The following SLC12A9 variants were observed in gnomAD, a reference collection of about 807,000 sequenced individuals.
SLC12A9 encodes solute carrier family 12 member 9, also known as CCC-interacting protein 1.
In SLC12A9, 55 loss-of-function variants were observed where a neutral mutation model predicts 66.0. The observed-to-expected ratio is 0.83, with a 90% CI of 0.67 to 1.04. The LOEUF (loss-of-function observed/expected upper bound fraction) is 1.04. Among genes scored for constraint, SLC12A9 ranks in the 50% least tolerant of loss-of-function variants. The pLI is 0.00. For missense variants in SLC12A9, 1,061 were observed against 1,241.9 expected, an observed-to-expected ratio of 0.85 and a Z score of 2.19; for synonymous variants, 577 against 569.0, an observed-to-expected ratio of 1.01 and a Z score of -0.20.
intron 1 of SLC12A9, among the ~76,000 whole-genome samples, chr7:100,828,062 A>AG (rs1230786900): frequency 6.6e-6 from 1 of 152,216 alleles, no homozygotes; most frequent in East Asian, 1.9e-4. Context: ...ACGGCCGCCC[A>AG]GGGGGCCTCA....
At position 100,854,699 on chromosome 7, in the gene SLC12A9, C is replaced by G. The variant is rs1401683015; in HGVS notation, c.261C>G (p.Val87=). The G allele has an allele frequency of 6.2e-7, 1 of 1,614,080 alleles. No individual in the cohort carries two copies. Among genetic ancestry groups the G allele is most frequent in the Non-Finnish European group, 8.5e-7 (1 of 1,180,002 alleles). ...LVAYFILALT[V]LSVCAIATNG... is the part of the protein sequence containing the mutation. Reference sequence around the variant, plus strand: ...CCTACTTCATCCTGGCACTCACCGTCCTCTCTGTCTGTGCCATCGCCACCA... The same window carrying G: ...CCTACTTCATCCTGGCACTCACCGTGCTCTCTGTCTGTGCCATCGCCACCA... Residue 87 remains valine, a synonymous_variant, in exon 3 of 14, where the codon GTC becomes GTG. Transcript: ENST00000354161.
chr7:100,832,443 G>T (rs139604628), intron 1 of SLC12A9, among the ~76,000 whole-genome samples: 7 of 152,204 alleles, frequency 4.6e-5, no homozygotes, highest in Non-Finnish European at 8.8e-5. Context: ...AGCCTGAGAG[G>T]TCTAGGCTGC....
At chr7:100,850,646 G>T (rs1017211422), upstream of SLC12A9, among the ~76,000 whole-genome samples, 1 of 151,248 alleles carries the variant, frequency 6.6e-6, no homozygotes, top group African/African-American at 2.4e-5. Flanking sequence ...GGATCTTCCA[G>T]TTTCAGCCTC....
rs779228251 is a variant in SLC12A9, at chr7:100,859,118, GTCTATGTCCTGCTTTTCTT to G, written c.938_956del (p.Tyr313SerfsTer29). On this transcript the variant is annotated frameshift_variant, in exon 7 of 14. Transcript: ENST00000354161. LOFTEE classifies it high-confidence loss of function. ...CGTCGCCGTCGCCTACACCTTCTTC[GTCTATGTCCTGCTTTTCTT>G]TCTCTCCAGCTTCACTTGTGACAGG... The G allele has an allele frequency of 6.2e-7, 1 of 1,614,040 alleles. No individual in the cohort carries two copies. The highest frequency in any genetic ancestry group is 8.5e-7 in the Non-Finnish European group (1 of 1,180,012).
rs377629495 is a variant in SLC12A9, at chr7:100,854,275, C to T, written c.78C>T (p.Ala26=). 8.9e-5 allele frequency: 142 copies of T among 1,594,262 alleles called. No individual in the cohort carries two copies. Among genetic ancestry groups the T allele is most frequent in the African/African-American group, 7.4e-4 (54 of 73,376 alleles). Residue 26 remains alanine (A), a synonymous_variant, in exon 2 of 14, where the codon GCC becomes GCT. Coordinates refer to ENST00000354161, the MANE Select transcript of SLC12A9 (RefSeq NM_020246.4). ...GGGTTGCCCTCCCTGCCAATGGGGCCGGGGGTCCTGGAGGGGCGTCTGCCC... is the reference window on the plus strand; with the variant it reads ...GGGTTGCCCTCCCTGCCAATGGGGCTGGGGGTCCTGGAGGGGCGTCTGCCC... The part of the protein sequence containing the change: ...EEGVALPANG[A]GGPGGASARK...
chr7:100,830,229 G>A (rs1464583082), intron 1 of SLC12A9, among the ~76,000 whole-genome samples: 2 of 151,752 alleles, frequency 1.3e-5, no homozygotes, highest in Non-Finnish European at 2.9e-5. Context: ...GTGCAGGCCT[G>A]CAGTCCCAGC....
intron 1 of SLC12A9, among the ~76,000 whole-genome samples, chr7:100,834,948 T>C (rs1230704807): frequency 5.3e-5 from 8 of 151,682 alleles, no homozygotes; most frequent in Admixed American, 4.6e-4. Context: ...GGAGGATTGC[T>C]TGACCCCAGG....
At chr7:100,862,601 G>A (rs1371851522) in intron 12 of SLC12A9, 80 bp from the exon 13 acceptor site, 1 of 1,553,120 alleles carries the variant, frequency 6.4e-7, no homozygotes, top group Non-Finnish European at 8.8e-7. Flanking sequence ...GCCCTGCCCA[G>A]GCCCGTCTGT....
chr7:100,862,521 C>T (rs570065984), intron 12 of SLC12A9, among the ~76,000 whole-genome samples, 160 bp from the exon 13 acceptor site: 3 of 152,348 alleles, frequency 2.0e-5, no homozygotes, highest in Admixed American at 6.5e-5. Flanking sequence ...GCAGGGATTA[C>T]AGGCATGAGC....
chr7:100,856,811 C>T (rs894715233), intron 4 of SLC12A9, 57 bp from the exon 5 acceptor site: 135 of 1,484,608 alleles, frequency 9.1e-5, no homozygotes, highest in East Asian at 8.4e-4. Context: ...CCACCATGCC[C>T]GGCTGGTGGG....
intron 1 of SLC12A9, among the ~76,000 whole-genome samples, chr7:100,835,694 A>G (rs1813642050): frequency 6.6e-6 from 1 of 151,986 alleles, no homozygotes; most frequent in Non-Finnish European, 1.5e-5. Context: ...TACACAAAAG[A>G]GTGTGATTGA....
At chr7:100,834,834 T>C (rs314321) in intron 1 of SLC12A9, among the ~76,000 whole-genome samples, 150,275 of 152,300 alleles carry the variant, frequency 0.99, 74,170 homozygotes, top group East Asian at 1. Context: ...CACCACTGCA[T>C]TCCAGTCTGG....
At chr7:100,848,477 G>C (rs905626864), upstream of SLC12A9, among the ~76,000 whole-genome samples, 9 of 150,842 alleles carry the variant, frequency 6.0e-5, no homozygotes, top group East Asian at 1.4e-3. Flanking sequence ...CAGCCTAGGC[G>C]ACAGAGTGAG....
intron 4 of SLC12A9, 192 bp from the exon 5 acceptor site, chr7:100,856,676 C>T: frequency 3.4e-6 from 2 of 586,220 alleles, no homozygotes; most frequent in South Asian, 4.7e-5. Context: ...CCACACCTGG[C>T]TAATTTTGCA....
At chr7:100,846,550 A>G (rs551505655) in intron 1 of SLC12A9, among the ~76,000 whole-genome samples, 19 of 151,852 alleles carry the variant, frequency 1.3e-4, no homozygotes, top group Admixed American at 3.9e-4. Context: ...CTGGGCGACA[A>G]AGTGAGACTC....
chr7:100,854,929 T>C (rs761263023), intron 3 of SLC12A9, among the ~76,000 whole-genome samples, 175 bp downstream of exon 3: 6 of 152,036 alleles, frequency 3.9e-5, no homozygotes, highest in African/African-American at 1.2e-4. Flanking sequence ...TTTGGGAGGC[T>C]GAGGTGGGTG....
In SLC12A9 at chr7:100,866,334, G is replaced by T; in HGVS notation, c.2474G>T (p.Arg825Leu). The T allele has an allele frequency of 6.6e-7, 1 of 1,507,190 alleles. No homozygotes were observed. Among genetic ancestry groups the T allele is most frequent in the Non-Finnish European group, 8.9e-7 (1 of 1,124,646 alleles). 93.4% of individuals were successfully genotyped at this position (1,507,190 alleles called of 1,614,324 possible). Residue 825 changes from arginine (R) to leucine (L), a missense_variant, in exon 14 of 14, where the codon CGG becomes CTG. By Grantham distance (102) the Arg-to-Leu change is moderately radical. Transcript: ENST00000354161. This position sits in a 1 kb window ranked among gnomAD's most constrained non-coding sequence, Gnocchi z 7.3. ...EEEGDFVNSG[R>L]GDAEAEALAR... ...GAAGGGGACTTTGTGAACAGTGGGC[G>T]GGGAGACGCAGAGGCAGAGGCCCTG... is the stretch of plus-strand genomic sequence containing the variant.
chr7:100,838,358 C>T (rs917746863), intron 1 of SLC12A9, among the ~76,000 whole-genome samples: 21 of 152,074 alleles, frequency 1.4e-4, no homozygotes, highest in African/African-American at 4.8e-4. Context: ...GTCCAGAAGA[C>T]CTAAAAGAGG....
At chr7:100,863,086 G>T (rs1252753720) in intron 13 of SLC12A9, among the ~76,000 whole-genome samples, 4 of 144,524 alleles carry the variant, frequency 2.8e-5, no homozygotes, top group African/African-American at 1.0e-4. Context: ...TTTTTGAGAC[G>T]GAGTCTCACT....
Sources: allele counts gnomAD v4.1 joint callset (sites outside exome capture counted in the v4.1 genomes callset), GRCh38; gene constraint gnomAD v4.1.1; non-coding constraint Gnocchi (gnomAD v3.1); transcripts MANE v1.5; gene names NCBI Gene and HGNC (gene_info 2026-07-23, HGNC 2026-07-21).